Variants in CNTLN observed in about 807,000 individuals in gnomAD.
The protein encoded by CNTLN is centlein, centrosomal protein.
Under a neutral mutation model 180.0 loss-of-function variants are expected in CNTLN, and 212 were observed. The ratio of observed to expected loss-of-function variants is 1.18; its 90% CI spans 1.05 to 1.32. CNTLN has a LOEUF of 1.32. CNTLN is among the 40% of genes most tolerant of loss of function. The pLI, the probability that CNTLN is intolerant of heterozygous loss-of-function variation, is 0.00. For missense variants in CNTLN, 2,095 were observed against 1,610.9 expected (o/e 1.30, Z -5.14); for synonymous variants, 722 against 563.1 (o/e 1.28, Z -3.99).
Position 17,290,772 on chromosome 9 carries a change from C to G in CNTLN, c.984-7418C>G, listed in dbSNP as rs1829332707. Among the ~76,000 whole-genome samples the G allele has an allele frequency of 2.0e-5, 3 of 151,672 alleles. No individual in the cohort carries two copies. The South Asian group carries it at 6.3e-4, about 32-fold the overall frequency. On this transcript the variant is annotated intron_variant, in intron 6 of 25. Transcript: ENST00000380647. ...ATTCGGGTGGGAGTGACCCGATTTTCCAGGTGCGTCTGTCACCCCTTTCTT... is the reference window on the plus strand; with the variant it reads ...ATTCGGGTGGGAGTGACCCGATTTTGCAGGTGCGTCTGTCACCCCTTTCTT...
rs768689696 is a variant in CNTLN, at chr9:17,502,769, A to G, written c.*117A>G. Reference sequence around the variant, plus strand: ...CCAACTATCAATAGTCAGGTTCAATACCAAAATAAGAAGTCTCTGAAAATA... The same window carrying G: ...CCAACTATCAATAGTCAGGTTCAATGCCAAAATAAGAAGTCTCTGAAAATA... On this transcript the variant is annotated 3_prime_UTR_variant, in exon 26 of 26. Transcript: ENST00000380647. 1.3e-4 allele frequency: 55 copies of G among 431,312 alleles called. No individual in the cohort carries two copies. Among genetic ancestry groups the G allele is most frequent in the Non-Finnish European group, 8.4e-5 (20 of 236,992 alleles). The allele number at this position is 431,312 out of a possible 1,614,324, so 26.7% of individuals were successfully genotyped here.
At chr9:17,494,111 G>A (rs1016768559) in intron 25 of CNTLN, among the ~76,000 whole-genome samples, 4 of 152,300 alleles carry the variant, frequency 2.6e-5, no homozygotes, top group Admixed American at 6.5e-5. Flanking sequence ...AAGGATAACC[G>A]TTTGAGGCCT....
chr9:17,303,184 T>C (rs904821128), intron 7 of CNTLN, among the ~76,000 whole-genome samples: 19 of 152,218 alleles, frequency 1.2e-4, no homozygotes, highest in Non-Finnish European at 2.6e-4. Flanking sequence ...AATGCAATTC[T>C]TAAACTTTAT....
In CNTLN at chr9:17,353,969, G is replaced by A. The variant is rs374387206; in HGVS notation, c.1886+11525G>A. Among the ~76,000 whole-genome samples the A allele has an allele frequency of 1.6e-4, 25 of 152,292 alleles. No individual in the cohort carries two copies. In the South Asian group the frequency reaches 2.5e-3, roughly 15 times the overall value. ...GTGAGCGGGAACCCGGGCTGTGTGC[G>A]GTGCTTGTTGGCCAGCTGGAGTTTC... On this transcript the variant is annotated intron_variant, in intron 12 of 25. Transcript: ENST00000380647.
At chr9:17,261,538 T>C (rs935460366) in intron 5 of CNTLN, among the ~76,000 whole-genome samples, 7 of 151,532 alleles carry the variant, frequency 4.6e-5, no homozygotes, top group Non-Finnish European at 1.0e-4. Context: ...CCTGAAACTT[T>C]ACTGAAATTA....
chr9:17,326,050 C>G (rs1044568358), intron 8 of CNTLN, among the ~76,000 whole-genome samples: 1 of 151,972 alleles, frequency 6.6e-6, no homozygotes, highest in African/African-American at 2.4e-5. Flanking sequence ...AGGCCCTTCC[C>G]CCATGCCTTC....
chr9:17,155,366 G>T, intron 2 of CNTLN, among the ~76,000 whole-genome samples: 1 of 152,136 alleles, frequency 6.6e-6, no homozygotes, highest in Non-Finnish European at 1.5e-5. Context: ...GCTGTGCTGG[G>T]AGGTCCGCTG....
chr9:17,264,391 C>T (rs1289363737), intron 5 of CNTLN, among the ~76,000 whole-genome samples: 3 of 151,256 alleles, frequency 2.0e-5, no homozygotes, highest in African/African-American at 4.9e-5. Flanking sequence ...CTGTTCTGTT[C>T]CATTGATCTA....
At chr9:17,439,715 C>T (rs150529698) in intron 18 of CNTLN, among the ~76,000 whole-genome samples, 70 of 152,316 alleles carry the variant, frequency 4.6e-4, no homozygotes, top group African/African-American at 1.6e-3. Context: ...CCAATGTGAT[C>T]ATTTCAAAAG....
At chr9:17,507,050 AT>A (rs1284600353), downstream of CNTLN, among the ~76,000 whole-genome samples, 3 of 152,098 alleles carry the variant, frequency 2.0e-5, no homozygotes, top group Non-Finnish European at 2.9e-5. Context: ...AAATGAATAC[AT>A]TGCATGATTC....
At chr9:17,389,301 A>G (rs887022016) in intron 14 of CNTLN, among the ~76,000 whole-genome samples, 1 of 152,132 alleles carries the variant, frequency 6.6e-6, no homozygotes, top group Non-Finnish European at 1.5e-5. Context: ...GAATTAATCT[A>G]TGCACTACCA....
intron 2 of CNTLN, among the ~76,000 whole-genome samples, chr9:17,182,431 C>T (rs1383848771): frequency 1.3e-5 from 2 of 151,960 alleles, no homozygotes; most frequent in East Asian, 1.9e-4. Context: ...GCCTTTTTTC[C>T]CCCACTTCAG....
chr9:17,525,908 C>T, the CNTLN span, among the ~76,000 whole-genome samples: 1 of 152,046 alleles, frequency 6.6e-6, no homozygotes, highest in Non-Finnish European at 1.5e-5. Flanking sequence ...TGTCTTTGGA[C>T]ATTTTTATTT....
At chr9:17,351,162 C>G (rs1466493461) in intron 12 of CNTLN, among the ~76,000 whole-genome samples, 1 of 152,180 alleles carries the variant, frequency 6.6e-6, no homozygotes, top group African/African-American at 2.4e-5. Context: ...GTACCTCTGG[C>G]CACCTATTCA....
the CNTLN span, among the ~76,000 whole-genome samples, chr9:17,509,985 T>C: frequency 6.6e-6 from 1 of 152,058 alleles, no homozygotes; most frequent in African/African-American, 2.4e-5. Context: ...TGATCCTGAC[T>C]ACCAAGGGGA....
chr9:17,289,389 G>A, intron 6 of CNTLN, among the ~76,000 whole-genome samples: 1 of 108,808 alleles, frequency 9.2e-6, no homozygotes, highest in African/African-American at 4.5e-5. Context: ...CTGTTAGTCT[G>A]ATGGGCTTCC....
intron 6 of CNTLN, among the ~76,000 whole-genome samples, chr9:17,291,612 A>C (rs1018551790): frequency 3.3e-5 from 5 of 152,166 alleles, no homozygotes; most frequent in African/African-American, 1.2e-4. Context: ...ATTTTGTCAG[A>C]AACTAGGATT....
chr9:17,239,214 G>T (rs1825339372), intron 5 of CNTLN, among the ~76,000 whole-genome samples: 1 of 152,080 alleles, frequency 6.6e-6, no homozygotes, highest in Non-Finnish European at 1.5e-5. Context: ...TGTATTTTTA[G>T]TAGAGATGGG....
Position 17,343,274 on chromosome 9 carries a change from A to G in CNTLN, c.1886+830A>G, listed in dbSNP as rs544465600. 1.2e-4 allele frequency among the ~76,000 whole-genome samples: 18 copies of G among 152,258 alleles called. No individual in the cohort carries two copies. The South Asian group carries it at 2.3e-3, about 19-fold the overall frequency. The stretch of plus-strand genomic sequence containing the variant: ...AATTAACCTCTTCTGCTACTTAACT[A>G]TTTCTTCATTTAGAGTTAATGCCTG... On this transcript the variant is annotated intron_variant, in intron 12 of 25. Coordinates refer to ENST00000380647, the MANE Select transcript of CNTLN (RefSeq NM_017738.4).
Sources: allele counts gnomAD v4.1 joint callset (sites outside exome capture counted in the v4.1 genomes callset), GRCh38; gene constraint gnomAD v4.1.1; transcripts MANE v1.5; gene names NCBI Gene and HGNC (gene_info 2026-07-23, HGNC 2026-07-21).